The following SHISA9 variants were observed in gnomAD, a reference collection of about 807,000 sequenced individuals.
The protein encoded by SHISA9 is protein shisa-9.
In SHISA9, 13 loss-of-function variants were observed where a neutral mutation model predicts 38.0. The ratio of observed to expected loss-of-function variants is 0.34; its 90% CI spans 0.22 to 0.54. The LOEUF is 0.54. SHISA9 is among the 20% of genes least tolerant of loss of function. The pLI, the probability that SHISA9 is intolerant of heterozygous loss-of-function variation, is 0.91. For missense variants in SHISA9, 538 were observed against 575.8 expected, an observed-to-expected ratio of 0.93 and a Z score of 0.67; for synonymous variants, 275 against 242.0, an observed-to-expected ratio of 1.14 and a Z score of -1.27.
the SHISA9 span, among the ~76,000 whole-genome samples, chr16:13,537,422 T>G: frequency 6.7e-6 from 1 of 148,752 alleles, no homozygotes; most frequent in Admixed American, 6.7e-5. Context: ...GAATGAAACT[T>G]CACCTCAAAA....
At chr16:13,009,775 T>C (rs1356068053) in intron 2 of SHISA9, among the ~76,000 whole-genome samples, 2 of 152,188 alleles carry the variant, frequency 1.3e-5, no homozygotes, top group African/African-American at 4.8e-5. Flanking sequence ...AGATGCGGGA[T>C]GATCAATGGC....
chr16:13,171,344 C>T (rs2050684542), intron 2 of SHISA9, among the ~76,000 whole-genome samples: 1 of 152,132 alleles, frequency 6.6e-6, no homozygotes, highest in Non-Finnish European at 1.5e-5. Context: ...CAAACCATAT[C>T]AGGCTTCTAG....
At chr16:13,005,616 A>G (rs1224246551) in intron 2 of SHISA9, among the ~76,000 whole-genome samples, 1 of 152,156 alleles carries the variant, frequency 6.6e-6, no homozygotes, top group Non-Finnish European at 1.5e-5. Flanking sequence ...GACTTTTACC[A>G]GGAAAATCTG....
At chr16:12,926,236 A>G (rs2071392037) in intron 2 of SHISA9, among the ~76,000 whole-genome samples, 1 of 152,148 alleles carries the variant, frequency 6.6e-6, no homozygotes, top group African/African-American at 2.4e-5. Flanking sequence ...ATGCCTTTCT[A>G]AAGGACCTAT....
the SHISA9 span, among the ~76,000 whole-genome samples, chr16:13,263,249 C>A: frequency 6.6e-6 from 1 of 152,132 alleles, no homozygotes; most frequent in Non-Finnish European, 1.5e-5. Context: ...GGATACCTCC[C>A]AATAACTCTA....
the SHISA9 span, among the ~76,000 whole-genome samples, chr16:13,370,322 G>A: frequency 4.6e-5 from 7 of 152,158 alleles, no homozygotes; most frequent in East Asian, 3.9e-4. Context: ...TGGCCCTTAA[G>A]GAAATCATAT....
chr16:13,204,606 C>T (rs2051045248), intron 3 of SHISA9, among the ~76,000 whole-genome samples: 1 of 152,214 alleles, frequency 6.6e-6, no homozygotes, highest in Non-Finnish European at 1.5e-5. Context: ...ACGTTCCTAT[C>T]CCAGGCAACT....
chr16:13,157,118 C>A (rs1208214811), intron 2 of SHISA9, among the ~76,000 whole-genome samples: 1 of 152,088 alleles, frequency 6.6e-6, no homozygotes, highest in African/African-American at 2.4e-5. Flanking sequence ...TCATCTGAAT[C>A]TTCTTCTTAC....
At chr16:13,309,116 A>C in the SHISA9 span, among the ~76,000 whole-genome samples, 3 of 152,118 alleles carry the variant, frequency 2.0e-5, no homozygotes, top group African/African-American at 7.2e-5. Flanking sequence ...CATAAAGGTC[A>C]ATGTGGTCTT....
the SHISA9 span, among the ~76,000 whole-genome samples, chr16:13,474,514 A>G: frequency 2.6e-3 from 394 of 152,348 alleles, 2 homozygotes; most frequent in African/African-American, 9.0e-3. Context: ...ACCAATATTT[A>G]TGAATTATTA....
At chr16:13,262,521 TA>T in the SHISA9 span, among the ~76,000 whole-genome samples, 1 of 152,200 alleles carries the variant, frequency 6.6e-6, no homozygotes, top group Admixed American at 6.5e-5. Context: ...GAGGATCTTT[TA>T]AGACAGAAAC....
At chr16:13,074,716 G>A (rs2073560748) in intron 2 of SHISA9, among the ~76,000 whole-genome samples, 1 of 148,960 alleles carries the variant, frequency 6.7e-6, no homozygotes, top group Admixed American at 6.7e-5. Flanking sequence ...CCAGGCTGGA[G>A]TGCAATGGTG....
intron 2 of SHISA9, among the ~76,000 whole-genome samples, chr16:13,186,100 T>G: frequency 6.6e-6 from 1 of 152,224 alleles, no homozygotes; most frequent in South Asian, 2.1e-4. Flanking sequence ...GCTTGTGACC[T>G]TGAATAAGTG....
chr16:13,225,244 G>C (rs4635326), intron 4 of SHISA9, among the ~76,000 whole-genome samples: 1 of 152,082 alleles, frequency 6.6e-6, no homozygotes, highest in African/African-American at 2.4e-5. Flanking sequence ...TCCTCTAGCA[G>C]AGCCTTCAGA....
chr16:13,514,331 TAAAAA>T, the SHISA9 span, among the ~76,000 whole-genome samples: 2 of 151,710 alleles, frequency 1.3e-5, no homozygotes, highest in Non-Finnish European at 2.9e-5. Flanking sequence ...AGAAAAAATT[TAAAAA>T]AAGAAAATGC....
At chr16:13,520,618 A>G in the SHISA9 span, among the ~76,000 whole-genome samples, 1 of 150,544 alleles carries the variant, frequency 6.6e-6, no homozygotes, top group Non-Finnish European at 1.5e-5. Flanking sequence ...AAAAAAAAAA[A>G]AAAAAAAAGT....
intron 2 of SHISA9, among the ~76,000 whole-genome samples, chr16:13,005,584 T>A (rs184433859): frequency 5.9e-5 from 9 of 152,312 alleles, no homozygotes; most frequent in Admixed American, 5.2e-4. Context: ...TGCTTACTGG[T>A]TCCCATGAGG....
At chr16:13,035,472 G>A (rs1017088766) in intron 2 of SHISA9, among the ~76,000 whole-genome samples, 4 of 152,076 alleles carry the variant, frequency 2.6e-5, no homozygotes, top group Non-Finnish European at 5.9e-5. Flanking sequence ...AGAGTAAAGG[G>A]GACTTTCTTG....
At chr16:12,905,475 G>GTGGTCCACACT (rs2071080344) in intron 1 of SHISA9, among the ~76,000 whole-genome samples, 2 of 152,242 alleles carry the variant, frequency 1.3e-5, no homozygotes, top group Admixed American at 1.3e-4. Flanking sequence ...TTGAGATAAA[G>GTGGTCCACACT]TGGTCCACAC....
Sources: allele counts gnomAD v4.1 joint callset (sites outside exome capture counted in the v4.1 genomes callset), GRCh38; gene constraint gnomAD v4.1.1; transcripts MANE v1.5; gene names NCBI Gene and HGNC (gene_info 2026-07-23, HGNC 2026-07-21).